Variants in LARP1 observed in about 807,000 individuals in gnomAD.
LARP1 encodes the protein la-related protein 1.
Under a neutral mutation model 122.7 loss-of-function variants are expected in LARP1, and 36 were observed. The observed-to-expected ratio is 0.29, with a 90% CI of 0.22 to 0.39. LARP1 has a LOEUF of 0.39. LARP1 is among the 10% of genes least tolerant of loss of function. LARP1 has a pLI of 1.00. For synonymous variants in LARP1, 539 were observed against 528.7 expected, an observed-to-expected ratio of 1.02 and a Z score of -0.27; for missense variants, 1,040 against 1,403.6, an observed-to-expected ratio of 0.74 and a Z score of 4.14.
Position 154,816,710 on chromosome 5 carries a change from C to T in LARP1, c.*2614C>T, listed in dbSNP as rs1759692992. ...CTAACCACTTCACACCTACCATCGT[C>T]CCATGGGGATCCAAGACCTGAGATA... On this transcript the variant is annotated 3_prime_UTR_variant, in exon 19 of 19. Coordinates refer to ENST00000518297, the MANE Select transcript of LARP1 (RefSeq NM_033551.3). The T allele has an allele frequency of 6.6e-6, 1 of 152,570 alleles. No homozygotes were observed. The highest frequency in any genetic ancestry group is 2.1e-4 in the South Asian group (1 of 4,834). The allele number at this position is 152,570 out of a possible 1,614,324, so 9.5% of individuals were successfully genotyped here.
chr5:154,798,870 T>C (rs1242048378), intron 8 of LARP1, among the ~76,000 whole-genome samples: 1 of 152,166 alleles, frequency 6.6e-6, no homozygotes, highest in Non-Finnish European at 1.5e-5. Flanking sequence ...TTTGTTTGTT[T>C]GTTTGTTTGT....
chr5:154,740,644 C>A (rs1323293418), intron 1 of LARP1, among the ~76,000 whole-genome samples: 1 of 152,160 alleles, frequency 6.6e-6, no homozygotes, highest in Non-Finnish European at 1.5e-5. Flanking sequence ...GGCCGGAAGC[C>A]CAGGCCTTTC....
chr5:154,753,445 A>C (rs1055668738), upstream of LARP1, among the ~76,000 whole-genome samples: 1 of 152,218 alleles, frequency 6.6e-6, no homozygotes, highest in East Asian at 1.9e-4. Context: ...CATCTCTTCA[A>C]ATAAATAAAT....
chr5:154,790,849 C>A, intron 3 of LARP1, 139 bp downstream of exon 3: 1 of 794,396 alleles, frequency 1.3e-6, no homozygotes, highest in Non-Finnish European at 2.0e-6. Context: ...CAGAGTTTCA[C>A]TCTTTTTGCC....
intron 1 of LARP1, among the ~76,000 whole-genome samples, chr5:154,687,402 G>A (rs1228170120): frequency 1.3e-5 from 2 of 152,144 alleles, no homozygotes; most frequent in African/African-American, 2.4e-5. Flanking sequence ...GTGTTTGTGA[G>A]ACGGAGTCTC....
At position 154,712,998 on chromosome 5, in the gene LARP1, A is replaced by G. The variant is rs760150634; in HGVS notation, c.73A>G (p.Ile25Val). ...AGAGCTGGATTTCCAAGAGGCTCCC[A>G]TACCTAGCTGCCCTGGCAGACTCCC... Residue 25 changes from isoleucine to valine, a missense_variant, in exon 1 of 19, where the codon ATA becomes GTA. Ile to Val is a conservative substitution (Grantham distance 29). Transcript: ENST00000336314. The G allele has an allele frequency of 3.7e-6, 6 of 1,614,146 alleles. No homozygotes were observed. The East Asian group carries it at 1.3e-4, about 36-fold the overall frequency.
chr5:154,715,789 C>T (rs1314786486), intron 1 of LARP1, among the ~76,000 whole-genome samples: 2 of 152,174 alleles, frequency 1.3e-5, no homozygotes, highest in Non-Finnish European at 2.9e-5. Context: ...TTGGGAATTC[C>T]TCCAATTAGG....
chr5:154,783,448 T>C (rs1756620896), intron 1 of LARP1, among the ~76,000 whole-genome samples: 1 of 152,164 alleles, frequency 6.6e-6, no homozygotes. Flanking sequence ...TTCCCCAGTA[T>C]GTAGAATGAT....
Position 154,773,332 on chromosome 5 carries a change from TG to T in LARP1, c.437-16992del, listed in dbSNP as rs531311970. On this transcript the variant is annotated intron_variant, in intron 1 of 18. Transcript: ENST00000518297. ...GGCTTTCAAGGGGACTTAATCTTTTTGTAACCCTCAAAGCCACCTTAGGAAG... is the reference window on the plus strand; with the variant it reads ...GGCTTTCAAGGGGACTTAATCTTTTTTAACCCTCAAAGCCACCTTAGGAAG... Among the ~76,000 whole-genome samples, 19 of 152,306 alleles carry T rather than the reference TG, an allele frequency of 1.2e-4. No individual in the cohort carries two copies. The South Asian group carries it at 2.9e-3, about 23-fold the overall frequency.
intron 8 of LARP1, among the ~76,000 whole-genome samples, chr5:154,797,407 A>G (rs1328629657): frequency 6.6e-6 from 1 of 150,916 alleles, no homozygotes; most frequent in East Asian, 2.0e-4. Flanking sequence ...CTAATTTTGT[A>G]TTTCTAGTAG....
Position 154,724,623 on chromosome 5 carries a change from C to T in LARP1, c.205+11493C>T, listed in dbSNP as rs1756081057. On this transcript the variant is annotated intron_variant, in intron 1 of 18. Transcript: ENST00000336314. ...TTAGGTAAACAAGGCTTTCCATTTC[C>T]AGTAATTATGGACTAGAAGACTGCT... 2.6e-5 allele frequency among the ~76,000 whole-genome samples: 4 copies of T among 151,568 alleles called. No homozygotes were observed. In the South Asian group the frequency reaches 8.3e-4, roughly 31 times the overall value.
At chr5:154,782,482 G>C (rs1756538455) in intron 1 of LARP1, among the ~76,000 whole-genome samples, 1 of 152,150 alleles carries the variant, frequency 6.6e-6, no homozygotes, top group Non-Finnish European at 1.5e-5. Context: ...TGGGCCACCT[G>C]GGTCACCACA....
At chr5:154,755,282 C>T (rs1389701376), upstream of LARP1, among the ~76,000 whole-genome samples, 13 of 147,478 alleles carry the variant, frequency 8.8e-5, no homozygotes, top group Non-Finnish European at 1.5e-4. Context: ...TGCGCCGTCC[C>T]CTCCCCTCGC....
At chr5:154,736,755 A>G (rs1413658972) in intron 1 of LARP1, among the ~76,000 whole-genome samples, 6 of 149,648 alleles carry the variant, frequency 4.0e-5, no homozygotes, top group Non-Finnish European at 7.4e-5. Flanking sequence ...TAGTAGAGAC[A>G]GGGTTTTACC....
chr5:154,766,478 G>C (rs79919007), intron 1 of LARP1, among the ~76,000 whole-genome samples: 1 of 152,172 alleles, frequency 6.6e-6, no homozygotes, highest in Non-Finnish European at 1.5e-5. Flanking sequence ...AGGTTTATGG[G>C]ATATCTCAGA....
chr5:154,759,832 C>T lies in LARP1; in HGVS notation c.436+3639C>T, dbSNP rs549789227. Among the ~76,000 whole-genome samples, 6 of 152,314 alleles carry T rather than the reference C, an allele frequency of 3.9e-5. No homozygotes were observed. In the South Asian group the frequency reaches 8.3e-4, roughly 21 times the overall value. On this transcript the variant is annotated intron_variant, in intron 1 of 18. Coordinates refer to ENST00000518297, the MANE Select transcript of LARP1 (RefSeq NM_033551.3). ...TAAATTAATTACATGAGACATTAAACGCTTAAAATAGGCTTTATGTTAGAT... is the reference window on the plus strand; with the variant it reads ...TAAATTAATTACATGAGACATTAAATGCTTAAAATAGGCTTTATGTTAGAT...
intron 3 of LARP1, 29 bp from the exon 4 acceptor site, chr5:154,792,592 AC>A: frequency 6.2e-7 from 1 of 1,606,812 alleles, no homozygotes; most frequent in Non-Finnish European, 8.5e-7. Context: ...ACTCACACTC[AC>A]CTCACTGTTA....
At chr5:154,728,419 A>G (rs1230801359) in intron 1 of LARP1, among the ~76,000 whole-genome samples, 2 of 152,216 alleles carry the variant, frequency 1.3e-5, no homozygotes, top group Non-Finnish European at 2.9e-5. Context: ...ACTTTGACCA[A>G]TAGAGATCAG....
At chr5:154,783,770 T>C (rs899435695) in intron 1 of LARP1, among the ~76,000 whole-genome samples, 5 of 152,184 alleles carry the variant, frequency 3.3e-5, no homozygotes, top group African/African-American at 1.2e-4. Context: ...GCTCACTACA[T>C]ATTATTTACA....
Sources: gnomAD v4.1 joint callset for allele counts (sites outside exome capture counted in the v4.1 genomes callset) on GRCh38, gnomAD v4.1.1 for gene constraint, MANE v1.5 for transcripts, NCBI Gene and HGNC (gene_info 2026-07-23, HGNC 2026-07-21) for gene names.